Variants in NUMA1 observed in about 807,000 individuals in gnomAD.
NUMA1 encodes the protein nuclear mitotic apparatus protein 1.
A neutral mutation model predicts 237.1 loss-of-function variants in NUMA1; 62 were observed. The ratio of observed to expected loss-of-function variants is 0.26; its 90% CI spans 0.21 to 0.32. The LOEUF (loss-of-function observed/expected upper bound fraction) is 0.32, where lower values mean the gene tolerates loss of function less well. Ranked by LOEUF, NUMA1 falls within the 10% of genes least tolerant of loss-of-function variation. The probability of loss-of-function intolerance (pLI) is 1.00; values close to 1 mark genes in which losing one functional copy is unlikely to be tolerated. For missense variants in NUMA1, 2,533 were observed against 2,666.5 expected (o/e 0.95, Z 1.10); for synonymous variants, 1,028 against 1,066.1 (o/e 0.96, Z 0.70).
intron 1 of NUMA1, among the ~76,000 whole-genome samples, chr11:72,070,839 C>T (rs1427254867): frequency 6.6e-6 from 1 of 152,196 alleles, no homozygotes; most frequent in Non-Finnish European, 1.5e-5. Flanking sequence ...CCCCTAAAGG[C>T]ATTCAAATAT....
chr11:72,048,138 C>A (rs1163896951), intron 2 of NUMA1, among the ~76,000 whole-genome samples: 1 of 152,052 alleles, frequency 6.6e-6, no homozygotes, highest in African/African-American at 2.4e-5. Context: ...GCTCTGTCGC[C>A]CAGGTTGGGG....
At chr11:72,071,150 C>A (rs1943433380) in intron 1 of NUMA1, among the ~76,000 whole-genome samples, 1 of 152,234 alleles carries the variant, frequency 6.6e-6, no homozygotes, top group South Asian at 2.1e-4. Flanking sequence ...CAACTGCCTC[C>A]AATTCTGTTC....
Position 72,004,683 on chromosome 11 carries a change from T to C in NUMA1, c.5963A>G (p.Lys1988Arg). The change falls in exon 24 of 27, where the codon AAA becomes AGA. Residue 1988 changes from lysine (K) to arginine (R), a missense_variant. This residue lies in a region of NUMA1 where 795 missense variants were observed against 750.8 expected (regional missense o/e 1.06). Transcript: ENST00000393695. ...CTGGTGGGGCTCTAGGGAGACCCGT[T>C]TGCGCTGCTGCCGGGTGGTGATGCC... is the stretch of plus-strand genomic sequence containing the variant. ...GTGITTRQQR[K>R]RVSLEPHQGP... 6.2e-7 allele frequency: 1 copy of C among 1,613,562 alleles called. No individual in the cohort carries two copies.
In NUMA1 at chr11:72,024,486, T is replaced by G. The variant is rs555293499; in HGVS notation, c.129-133A>C. The stretch of plus-strand genomic sequence containing the variant: ...TCTGGAAGAGATCCAGATCAGATCC[T>G]GGAGGCAGGTGACAGATACCAGGAC... On this transcript the variant is annotated intron_variant, in intron 4 of 26. Coordinates refer to ENST00000393695, the MANE Select transcript of NUMA1 (RefSeq NM_006185.4). 5 of 770,160 alleles carry G rather than the reference T, an allele frequency of 6.5e-6. No homozygotes were observed. In the African/African-American group the frequency reaches 8.5e-5, roughly 13 times the overall value. The allele number at this position is 770,160 out of a possible 1,614,324, so 47.7% of individuals were successfully genotyped here. A position where few individuals can be genotyped will look rare whatever the true frequency, so the allele number is the denominator to read the frequency against.
intron 4 of NUMA1, among the ~76,000 whole-genome samples, chr11:72,025,888 T>C (rs1292545784): frequency 6.6e-6 from 1 of 152,194 alleles, no homozygotes; most frequent in Non-Finnish European, 1.5e-5. Context: ...AATGAGCCAT[T>C]TTCCCTACCC....
chr11:72,006,037 G>C lies in NUMA1; in HGVS notation c.5690C>G (p.Pro1897Arg). ...GTAAGTCCCTGTAGTCCCCTCACCT[G>C]GAGGGGCCCCACTGGACACCCCGGC... is the stretch of plus-strand genomic sequence containing the variant. ...SQAGVSSGAP[P>R]GRNSFYMGTC... The change falls in exon 22 of 27, where the codon CCA becomes CGA. Residue 1897 changes from proline (P) to arginine (R), a missense_variant and splice_region_variant. Transcript: ENST00000393695. 1 of 1,610,162 alleles carries C rather than the reference G, an allele frequency of 6.2e-7. No individual in the cohort carries two copies. The highest frequency in any genetic ancestry group is 1.1e-5 in the South Asian group (1 of 90,920).
At chr11:72,057,731 G>A (rs554687605) in intron 2 of NUMA1, among the ~76,000 whole-genome samples, 7 of 144,822 alleles carry the variant, frequency 4.8e-5, no homozygotes, top group Middle Eastern at 4.0e-3. Flanking sequence ...GAAACAGAGC[G>A]AGACACCGTC....
At chr11:72,008,667 G>A (rs1213545547) in intron 20 of NUMA1, 21 bp downstream of exon 20, 1 of 1,613,718 alleles carries the variant, frequency 6.2e-7, no homozygotes, top group Admixed American at 1.7e-5. Flanking sequence ...ACAGACATAG[G>A]GAGGAAGGCT....
chr11:72,016,791 C>T, intron 13 of NUMA1: 1 of 457,892 alleles, frequency 2.2e-6, no homozygotes, highest in East Asian at 4.2e-5. Context: ...CTTCAAATTT[C>T]CTTACCGTAT....
chr11:72,069,353 G>A (rs1252819589), intron 2 of NUMA1, among the ~76,000 whole-genome samples: 3 of 152,148 alleles, frequency 2.0e-5, no homozygotes, highest in South Asian at 2.1e-4. Flanking sequence ...CAGTCAGGAT[G>A]AGAAACCCAG....
At position 72,024,295 on chromosome 11, in the gene NUMA1, A is replaced by G; in HGVS notation, c.187T>C (p.Phe63Leu). The G allele has an allele frequency of 6.2e-7, 1 of 1,614,186 alleles. No individual in the cohort carries two copies. Among genetic ancestry groups the G allele is most frequent in the Admixed American group, 1.7e-5 (1 of 60,034 alleles). Reference sequence around the variant, plus strand: ...TTACTCTGCAGAAAACTGCACACAAAGTCCAGTCTCTCTGACACCGGCTGC... The same window carrying G: ...TTACTCTGCAGAAAACTGCACACAAGGTCCAGTCTCTCTGACACCGGCTGC... The part of the protein sequence containing the change: ...LKQPVSERLD[F>L]VCSFLQKNRK... Residue 63 changes from phenylalanine (F) to leucine (L), a missense_variant, in exon 5 of 27, where the codon TTT becomes CTT. Physicochemically the swap from Phe to Leu is conservative, Grantham distance 22. Coordinates refer to ENST00000393695, the MANE Select transcript of NUMA1 (RefSeq NM_006185.4).
At chr11:72,058,682 G>C (rs1391732176) in intron 2 of NUMA1, among the ~76,000 whole-genome samples, 1 of 152,156 alleles carries the variant, frequency 6.6e-6, no homozygotes, top group Non-Finnish European at 1.5e-5. Context: ...TCATCCTCAG[G>C]GTCCAGTGTG....
At chr11:72,055,536 G>T (rs1236650011) in intron 2 of NUMA1, among the ~76,000 whole-genome samples, 1 of 152,112 alleles carries the variant, frequency 6.6e-6, no homozygotes, top group East Asian at 1.9e-4. Flanking sequence ...AACAATAGGG[G>T]GATAGTGACT....
chr11:72,035,770 TG>T (rs1940951879), intron 3 of NUMA1, 131 bp downstream of exon 3: 1 of 809,262 alleles, frequency 1.2e-6, no homozygotes, highest in Non-Finnish European at 2.1e-6. Context: ...ATTTCCATGC[TG>T]TCTAAAGGAA....
intron 2 of NUMA1, among the ~76,000 whole-genome samples, chr11:72,049,843 C>T (rs1172885344): frequency 6.6e-6 from 1 of 150,760 alleles, no homozygotes; most frequent in Non-Finnish European, 1.5e-5. Flanking sequence ...AAATAAAGTA[C>T]CTTTCCACTT....
chr11:72,058,127 T>C (rs1942763353), intron 2 of NUMA1, among the ~76,000 whole-genome samples: 1 of 152,200 alleles, frequency 6.6e-6, no homozygotes, highest in African/African-American at 2.4e-5. Flanking sequence ...GAAACTTCAT[T>C]TCTTGCTTAT....
At chr11:72,058,081 C>T (rs1355583355) in intron 2 of NUMA1, among the ~76,000 whole-genome samples, 1 of 151,836 alleles carries the variant, frequency 6.6e-6, no homozygotes, top group Non-Finnish European at 1.5e-5. Flanking sequence ...CAAAAAAAAA[C>T]ATAATAATAA....
intron 4 of NUMA1, among the ~76,000 whole-genome samples, chr11:72,026,265 C>G (rs941487965): frequency 6.6e-6 from 1 of 152,224 alleles, no homozygotes; most frequent in Non-Finnish European, 1.5e-5. Flanking sequence ...CCAGGTCTTC[C>G]TGCAGCACTC....
In NUMA1 at chr11:72,015,139, C is replaced by T. The variant is rs998020312; in HGVS notation, c.2364G>A (p.Glu788=). 7 of 1,613,388 alleles carry T rather than the reference C, an allele frequency of 4.3e-6. No homozygotes were observed. Among genetic ancestry groups the T allele is most frequent in the Middle Eastern group, 1.6e-4 (1 of 6,062 alleles). Residue 788 remains glutamate, a synonymous_variant, in exon 15 of 27, where the codon GAG becomes GAA. Coordinates refer to ENST00000393695, the MANE Select transcript of NUMA1 (RefSeq NM_006185.4). The surrounding 1 kb of genome is among the most constrained non-coding windows in gnomAD (Gnocchi z 4.0). ...GCTGGGCAGCCATGGCCTCTGCCAG[C>T]TCCCGCCGCAGGACTTCAGTCTCAG... ...HQAETEVLRR[E]LAEAMAAQHT... is the part of the protein sequence containing the mutation.
Sources: allele counts gnomAD v4.1 joint callset (sites outside exome capture counted in the v4.1 genomes callset), GRCh38; gene constraint gnomAD v4.1.1; regional missense constraint gnomAD v4.1.1; non-coding constraint Gnocchi (gnomAD v3.1); transcripts MANE v1.5; gene names NCBI Gene and HGNC (gene_info 2026-07-23, HGNC 2026-07-21).